Variants in XRN1 observed in about 807,000 individuals in gnomAD.
XRN1 encodes 5'-3' exoribonuclease 1.
In XRN1, 67 loss-of-function variants were observed where a neutral mutation model predicts 222.3. The ratio of observed to expected loss-of-function variants is 0.30; its 90% CI spans 0.25 to 0.37. The LOEUF (loss-of-function observed/expected upper bound fraction) is 0.37. XRN1 is among the 10% of genes least tolerant of loss of function. The pLI is 1.00. For missense variants in XRN1, 1,707 were observed against 2,000.2 expected (o/e 0.85, Z 2.80); for synonymous variants, 643 against 652.4 (o/e 0.99, Z 0.22).
At chr3:142,347,916 A>G (rs898944093) in intron 32 of XRN1, among the ~76,000 whole-genome samples, 2 of 152,106 alleles carry the variant, frequency 1.3e-5, no homozygotes. Context: ...TCCTTTCAAT[A>G]AAAGAATTAA....
In XRN1 at chr3:142,423,688, T is replaced by C. The variant is rs773711128; in HGVS notation, c.628-46A>G. 5 of 1,433,284 alleles carry C rather than the reference T, an allele frequency of 3.5e-6. No individual in the cohort carries two copies. In the South Asian group the frequency reaches 7.0e-5, roughly 20 times the overall value. The allele number at this position is 1,433,284 out of a possible 1,614,324, so 88.8% of individuals were successfully genotyped here. Reference sequence around the variant, plus strand: ...AATGTTTTTATTCTCCCATTTTTAATAATATTAGGTTCACAAAAGCAATTA... The same window carrying C: ...AATGTTTTTATTCTCCCATTTTTAACAATATTAGGTTCACAAAAGCAATTA... On this transcript the variant is annotated intron_variant, in intron 5 of 40. Coordinates refer to ENST00000392981, the MANE Select transcript of XRN1 (RefSeq NM_001282857.2).
At chr3:142,443,041 G>T (rs575593849) in intron 1 of XRN1, among the ~76,000 whole-genome samples, 1 of 152,280 alleles carries the variant, frequency 6.6e-6, no homozygotes, top group African/African-American at 2.4e-5. Context: ...CCCAATCCCT[G>T]TATCTTTAAC....
chr3:142,387,307 C>A (rs151180428), intron 20 of XRN1, among the ~76,000 whole-genome samples: 1 of 152,110 alleles, frequency 6.6e-6, no homozygotes, highest in Non-Finnish European at 1.5e-5. Context: ...TGGTTATCCT[C>A]GTCACTGGGG....
rs2067972926 is a variant in XRN1 at position 142,397,468 on chromosome 3, G to A, written c.2208-8C>T. ...GGTTCTTCCAAGTAAAACCTTAAGA[G>A]TTAAAATAAAAATTATATAACCAAA... is the stretch of plus-strand genomic sequence containing the variant. On this transcript the variant is annotated splice_polypyrimidine_tract_variant and splice_region_variant and intron_variant, in intron 19 of 40. Transcript: ENST00000392981. 6.3e-7 allele frequency: 1 copy of A among 1,575,990 alleles called. No homozygotes were observed. The highest frequency in any genetic ancestry group is 8.6e-7 in the Non-Finnish European group (1 of 1,163,702).
chr3:142,371,112 A>G (rs1232277214), intron 26 of XRN1, 127 bp downstream of exon 26: 3 of 777,774 alleles, frequency 3.9e-6, no homozygotes, highest in Non-Finnish European at 6.1e-6. Context: ...TTCGGGCAAG[A>G]GAGTAAGAAC....
intron 13 of XRN1, among the ~76,000 whole-genome samples, chr3:142,415,075 AC>A: frequency 6.6e-6 from 1 of 152,290 alleles, no homozygotes; most frequent in Middle Eastern, 3.4e-3. Context: ...TCTGGCCATT[AC>A]CAGTCAGATC....
rs145854328 is a variant in XRN1, at chr3:142,428,133, C to T, written c.309-1292G>A. On this transcript the variant is annotated intron_variant, in intron 2 of 40. Coordinates refer to ENST00000392981, the MANE Select transcript of XRN1 (RefSeq NM_001282857.2). ...CTTGGCCAGGTGCGGTGGCTCACAC[C>T]TGTAATCCCAGCACTTTGGGAGGCC... Among the ~76,000 whole-genome samples the T allele has an allele frequency of 5.1e-3, 781 of 152,260 alleles. 9 individuals are homozygous for T. Among genetic ancestry groups the T allele is most frequent in the African/African-American group, 0.018 (760 of 41,534 alleles).
Position 142,335,498 on chromosome 3 carries a change from A to G in XRN1, c.3889T>C (p.Cys1297Arg). 1 of 1,613,600 alleles carries G rather than the reference A, an allele frequency of 6.2e-7. No individual in the cohort carries two copies. The highest frequency in any genetic ancestry group is 1.3e-5 in the African/African-American group (1 of 74,980). The part of the protein sequence containing the change: ...HDPHRKFKEE[C>R]KSPKAECWSQ... ...CAACACTCAGCTTTAGGACTCTTAC[A>G]CTCTTCTTTAACTAGAGACAAGAAA... is the stretch of plus-strand genomic sequence containing the variant. The change falls in exon 34 of 41, where the codon TGT (cysteine) becomes CGT (arginine). Residue 1297 changes from cysteine to arginine, a missense_variant. By Grantham distance (180) the Cys-to-Arg change is radical. Around this residue, in one of 2 missense-constraint regions of XRN1, gnomAD observed 473 missense variants for 482.0 expected, o/e 0.98. Coordinates refer to ENST00000392981, the MANE Select transcript of XRN1 (RefSeq NM_001282857.2).
chr3:142,418,394 G>A, intron 12 of XRN1, 110 bp downstream of exon 12: 1 of 809,524 alleles, frequency 1.2e-6, no homozygotes, highest in Non-Finnish European at 1.9e-6. Context: ...AATAATTCAT[G>A]AAACCAAAAA....
intron 32 of XRN1, among the ~76,000 whole-genome samples, chr3:142,349,258 T>C (rs2066239235): frequency 6.6e-6 from 1 of 152,030 alleles, no homozygotes; most frequent in Admixed American, 6.6e-5. Flanking sequence ...CCGGCCAGCT[T>C]TTCAGTTATT....
At chr3:142,410,513 G>GTTTTTTTTTTTTTTTTTTA (rs2068529306) in intron 15 of XRN1, among the ~76,000 whole-genome samples, 1 of 8,730 alleles carries the variant, frequency 1.1e-4, no homozygotes, top group Non-Finnish European at 2.9e-4. Context: ...TTTTTTTTTT[G>GTTTTTTTTTTTTTTTTTTA]AGATGGAGTC....
In XRN1 at chr3:142,397,758, A is replaced by G. The variant is rs186024392; in HGVS notation, c.2208-298T>C. Among the ~76,000 whole-genome samples the G allele has an allele frequency of 2.0e-5, 3 of 152,324 alleles. No homozygotes were observed. The East Asian group carries it at 5.8e-4, about 29-fold the overall frequency. ...TAGAAGGAATAAGTTCCAGTGTTCT[A>G]TAGCAACAGTAGGTTGACCACAGTT... On this transcript the variant is annotated intron_variant, in intron 19 of 40. Transcript: ENST00000392981.
intron 25 of XRN1, among the ~76,000 whole-genome samples, chr3:142,375,384 G>C (rs550302992): frequency 6.6e-6 from 1 of 152,210 alleles, no homozygotes; most frequent in Admixed American, 6.5e-5. Context: ...TGATTTCCTA[G>C]ATAATTTCAG....
At chr3:142,382,088 G>A (rs959625144) in intron 22 of XRN1, among the ~76,000 whole-genome samples, 4 of 152,060 alleles carry the variant, frequency 2.6e-5, no homozygotes, top group African/African-American at 7.2e-5. Flanking sequence ...CCTTTAATGC[G>A]ATGCTAACTT....
Position 142,403,914 on chromosome 3 carries a change from T to C in XRN1, c.1959A>G (p.Ala653=). ...KNKITRIDQK[A]LYFCGFPTLK... is the part of the protein sequence containing the mutation. ...GAGTAGGAAATCCACAGAAATATAA[T>C]GCTTTCTGGTCAATTCTGGTTATTT... The change falls in exon 17 of 41, where the codon GCA becomes GCG. Residue 653 remains alanine (A), a synonymous_variant. Transcript: ENST00000392981. 6.2e-7 allele frequency: 1 copy of C among 1,612,972 alleles called. No individual in the cohort carries two copies.
At chr3:142,376,330 A>G (rs967514852) in intron 24 of XRN1, 149 bp downstream of exon 24, 15 of 747,778 alleles carry the variant, frequency 2.0e-5, no homozygotes, top group Non-Finnish European at 3.3e-5. Context: ...TGCCATTCAG[A>G]TGAAAGATTA....
intron 40 of XRN1, among the ~76,000 whole-genome samples, chr3:142,312,170 G>A (rs1354827832): frequency 1.3e-5 from 2 of 151,966 alleles, no homozygotes; most frequent in Non-Finnish European, 2.9e-5. Context: ...TCAGGTACTC[G>A]GGAGTCTAAG....
At chr3:142,401,794 A>G (rs1164455560) in intron 18 of XRN1, among the ~76,000 whole-genome samples, 3 of 152,222 alleles carry the variant, frequency 2.0e-5, no homozygotes, top group Non-Finnish European at 4.4e-5. Context: ...ATCTTAGCCT[A>G]GTTCTCAGAA....
chr3:142,376,164 G>C, intron 24 of XRN1: 4 of 764,738 alleles, frequency 5.2e-6, no homozygotes, highest in Non-Finnish European at 7.5e-6. Flanking sequence ...AACAAAGCAT[G>C]TAAATAAATT....
Sources: allele counts gnomAD v4.1 joint callset (sites outside exome capture counted in the v4.1 genomes callset), GRCh38; gene constraint gnomAD v4.1.1; regional missense constraint gnomAD v4.1.1; transcripts MANE v1.5; gene names NCBI Gene and HGNC (gene_info 2026-07-23, HGNC 2026-07-21).